CUX1: variants seen among roughly 807,000 people sequenced by gnomAD.
The protein encoded by CUX1 is cut like homeobox 1, also known as protein CASP.
A neutral mutation model predicts 158.8 loss-of-function variants in CUX1; 31 were observed. The ratio of observed to expected loss-of-function variants is 0.20; its 90% confidence interval spans 0.15 to 0.26. CUX1 has a LOEUF of 0.26. Among genes scored for constraint, CUX1 ranks in the 10% least tolerant of loss-of-function variants. The pLI is 1.00. For synonymous variants in CUX1, 879 were observed against 862.1 expected, an observed-to-expected ratio of 1.02 and a Z score of -0.34; for missense variants, 1,589 against 2,014.6, an observed-to-expected ratio of 0.79 and a Z score of 4.04.
intron 4 of CUX1, among the ~76,000 whole-genome samples, chr7:102,087,898 T>C (rs1828114264): frequency 6.6e-6 from 1 of 152,218 alleles, no homozygotes; most frequent in Non-Finnish European, 1.5e-5. Context: ...TCATTTTCTT[T>C]TGGTCTATAG....
At chr7:102,196,217 C>G (rs1427594963) in intron 14 of CUX1, among the ~76,000 whole-genome samples, 1 of 152,220 alleles carries the variant, frequency 6.6e-6, no homozygotes, top group African/African-American at 2.4e-5. Context: ...GGTGCATCGC[C>G]TCAGAGCAAG....
intron 11 of CUX1, among the ~76,000 whole-genome samples, chr7:102,181,142 T>C (rs13238676): frequency 6.6e-6 from 1 of 151,866 alleles, no homozygotes; most frequent in Non-Finnish European, 1.5e-5. Flanking sequence ...GATTTCTCCG[T>C]GTTGGTCAGG....
intron 8 of CUX1, among the ~76,000 whole-genome samples, chr7:102,134,830 A>T (rs1165861459): frequency 6.6e-6 from 1 of 152,130 alleles, no homozygotes; most frequent in Non-Finnish European, 1.5e-5. Context: ...TCCTGGGCTC[A>T]AGCGATCCTC....
intron 2 of CUX1, among the ~76,000 whole-genome samples, chr7:102,013,337 C>T (rs1818246410): frequency 1.3e-5 from 2 of 152,180 alleles, no homozygotes. Context: ...ATTTGCTCGA[C>T]ATTTATGGAC....
chr7:101,909,271 G>A (rs981163643), intron 1 of CUX1, among the ~76,000 whole-genome samples: 15 of 151,630 alleles, frequency 9.9e-5, no homozygotes, highest in South Asian at 8.4e-4. Context: ...AGGCCGAGGC[G>A]GGAGGATCTC....
At chr7:101,897,715 A>G (rs150415871) in intron 1 of CUX1, among the ~76,000 whole-genome samples, 173 of 152,200 alleles carry the variant, frequency 1.1e-3, no homozygotes, top group African/African-American at 3.9e-3. Flanking sequence ...CCAGTCTGAT[A>G]TTATCATCCC....
chr7:102,069,238 G>T (rs2130554944), intron 3 of CUX1, among the ~76,000 whole-genome samples: 1 of 152,212 alleles, frequency 6.6e-6, no homozygotes, highest in East Asian at 1.9e-4. Context: ...GGTGATGAGG[G>T]TCTCCCTGCA....
intron 3 of CUX1, among the ~76,000 whole-genome samples, chr7:102,053,959 C>T (rs1419276928): frequency 6.6e-6 from 1 of 151,968 alleles, no homozygotes; most frequent in Non-Finnish European, 1.5e-5. Flanking sequence ...TTGTGTGTGC[C>T]ACCATGCCCA....
In CUX1 at chr7:102,040,041, C is replaced by T. The variant is rs778231483; in HGVS notation, c.189+11896C>T. ...GTTTTACTCTCTGGTCTTCATTCAA[C>T]GCAACCTTTTCGGGAGCCTCCTGCT... is the stretch of plus-strand genomic sequence containing the variant. On this transcript the variant is annotated intron_variant, in intron 3 of 23. Coordinates refer to ENST00000292535, the MANE Select transcript of CUX1 (RefSeq NM_181552.4). Among the ~76,000 whole-genome samples, 35 of 152,304 alleles carry T rather than the reference C, an allele frequency of 2.3e-4. No homozygotes were observed. The South Asian group carries it at 4.3e-3, about 19-fold the overall frequency.
At chr7:101,872,926 G>A (rs1022861275) in intron 1 of CUX1, among the ~76,000 whole-genome samples, 2 of 152,100 alleles carry the variant, frequency 1.3e-5, no homozygotes, top group African/African-American at 4.8e-5. Flanking sequence ...GGGCTGGAGT[G>A]CAGTGGCCCG....
rs141803984 is a variant in CUX1 at position 102,197,196 on chromosome 7, A to G, written c.1785A>G (p.Pro595=). Residue 595 remains proline, a synonymous_variant, in exon 15 of 24, where the codon CCA becomes CCG. Transcript: ENST00000292535. ...GCGAGATTCTGGCCCGGCCCAAGCC[A>G]TGGAATAAACTGACTGTTCGTGGCA... ...SVSEILARPK[P]WNKLTVRGKE... The G allele has an allele frequency of 5.8e-4, 937 of 1,614,268 alleles. 2 individuals are homozygous for G. The highest frequency in any genetic ancestry group is 7.6e-4 in the Non-Finnish European group (897 of 1,180,044).
intron 2 of CUX1, among the ~76,000 whole-genome samples, chr7:101,965,736 C>T (rs539484282): frequency 2.7e-5 from 4 of 150,266 alleles, no homozygotes; most frequent in Admixed American, 1.3e-4. Flanking sequence ...GTAGTCCCAG[C>T]TACTCGGGAG....
intron 2 of CUX1, among the ~76,000 whole-genome samples, chr7:101,927,697 G>A (rs978779072): frequency 2.0e-5 from 3 of 152,222 alleles, no homozygotes; most frequent in Non-Finnish European, 2.9e-5. Context: ...GAATTGTGGA[G>A]TTTCAAAGAG....
rs17487445 is a variant in CUX1, at chr7:102,007,497, C to T, written c.142-20601C>T. Among the ~76,000 whole-genome samples, 1,331 of 151,920 alleles carry T rather than the reference C, an allele frequency of 8.8e-3. 9 individuals are homozygous for T. The highest frequency in any genetic ancestry group is 0.031 in the Middle Eastern group (9 of 294). ...TTCTCTGTGGAAGTCCTGCCAGCTC[C>T]GGGTATTTCCCACGTGGATTTCTCA... is the stretch of plus-strand genomic sequence containing the variant. On this transcript the variant is annotated intron_variant, in intron 2 of 23. Coordinates refer to ENST00000292535, the MANE Select transcript of CUX1 (RefSeq NM_181552.4).
chr7:102,001,734 C>T lies in CUX1; in HGVS notation c.142-26364C>T, dbSNP rs180694134. On this transcript the variant is annotated intron_variant, in intron 2 of 23. Transcript: ENST00000292535. ...CTGGTGGTCAGGATGTTCCTCCTGG[C>T]CATGCACATGCAGGACACACAACAG... is the stretch of plus-strand genomic sequence containing the variant. 1.7e-3 allele frequency among the ~76,000 whole-genome samples: 262 copies of T among 152,324 alleles called. 1 individual carries two copies. Among genetic ancestry groups the T allele is most frequent in the African/African-American group, 5.9e-3 (245 of 41,570 alleles).
intron 7 of CUX1, among the ~76,000 whole-genome samples, chr7:102,114,655 A>G (rs995487487): frequency 1.6e-4 from 25 of 152,192 alleles, no homozygotes; most frequent in African/African-American, 5.8e-4. Context: ...AGGTGGGAGG[A>G]TGACTTCAGG....
At chr7:101,902,846 C>T (rs1223833532) in intron 1 of CUX1, among the ~76,000 whole-genome samples, 1 of 152,138 alleles carries the variant, frequency 6.6e-6, no homozygotes, top group African/African-American at 2.4e-5. Flanking sequence ...AGGCAGGACT[C>T]GTGGGCTCTT....
At chr7:101,940,005 G>A (rs887948946) in intron 2 of CUX1, among the ~76,000 whole-genome samples, 9 of 151,864 alleles carry the variant, frequency 5.9e-5, no homozygotes, top group Non-Finnish European at 1.3e-4. Flanking sequence ...GCTTGAACCC[G>A]GGAGGTGGAG....
chr7:102,034,531 G>A (rs1463849517), intron 3 of CUX1, among the ~76,000 whole-genome samples: 1 of 151,926 alleles, frequency 6.6e-6, no homozygotes, highest in Non-Finnish European at 1.5e-5. Flanking sequence ...GAGGTGGGCG[G>A]ATCACAAGTT....
Sources: gnomAD v4.1 joint callset for allele counts (sites outside exome capture counted in the v4.1 genomes callset) on GRCh38, gnomAD v4.1.1 for gene constraint, MANE v1.5 for transcripts, NCBI Gene and HGNC (gene_info 2026-07-23, HGNC 2026-07-21) for gene names.